TCF12: variants seen among roughly 807,000 people sequenced by gnomAD.
The protein encoded by TCF12 is DNA-binding protein HTF4.
In TCF12, 45 loss-of-function variants were observed where a neutral mutation model predicts 86.0. The ratio of observed to expected loss-of-function variants is 0.52; its 90% CI spans 0.41 to 0.67. The LOEUF is 0.67. Among genes scored for constraint, TCF12 ranks in the 30% least tolerant of loss-of-function variants. The probability of loss-of-function intolerance (pLI) is 0.00; values close to 1 mark genes in which losing one functional copy is unlikely to be tolerated. For synonymous variants in TCF12, 330 were observed against 299.6 expected (o/e 1.10, Z -1.05); for missense variants, 881 against 859.9 (o/e 1.02, Z -0.31).
intron 3 of TCF12, among the ~76,000 whole-genome samples, chr15:56,942,287 TATAA>T (rs1256056345): frequency 6.6e-6 from 1 of 152,224 alleles, no homozygotes; most frequent in Non-Finnish European, 1.5e-5. Flanking sequence ...TTTCAAAAAA[TATAA>T]ATGCCACTTT....
At chr15:57,108,245 G>A (rs1287898131) in intron 5 of TCF12, among the ~76,000 whole-genome samples, 3 of 151,984 alleles carry the variant, frequency 2.0e-5, no homozygotes, top group Non-Finnish European at 2.9e-5. Flanking sequence ...CAGTACAGGA[G>A]AAAAATATTG....
chr15:57,049,927 A>G (rs559245338), intron 3 of TCF12, among the ~76,000 whole-genome samples: 1 of 152,280 alleles, frequency 6.6e-6, no homozygotes, highest in South Asian at 2.1e-4. Flanking sequence ...TTTCTGACTT[A>G]TTAATCAAAT....
intron 8 of TCF12, chr15:57,214,538 A>G (rs577545041): frequency 2.0e-5 from 3 of 152,340 alleles, no homozygotes; most frequent in Non-Finnish European, 4.4e-5. Flanking sequence ...TTTGTTAATC[A>G]TTAAGCATTT....
At position 57,184,228 on chromosome 15, in the gene TCF12, C is replaced by T. The variant is rs185449969; in HGVS notation, c.391-7930C>T. ...ATACGTTTTCTGTTGCAACACTGAA[C>T]GCTTAACACTGTTGCATGAAAACAG... On this transcript the variant is annotated intron_variant, in intron 6 of 20. Coordinates refer to ENST00000333725, the MANE Select transcript of TCF12 (RefSeq NM_207037.2). Among the ~76,000 whole-genome samples the T allele has an allele frequency of 2.5e-3, 383 of 152,014 alleles. 1 individual carries two copies. The highest frequency in any genetic ancestry group is 6.9e-3 in the Middle Eastern group (2 of 290).
intron 7 of TCF12, among the ~76,000 whole-genome samples, chr15:57,192,633 C>A (rs2057045358): frequency 6.6e-6 from 1 of 152,116 alleles, no homozygotes; most frequent in Non-Finnish European, 1.5e-5. Context: ...AGTGATCTGC[C>A]CACCTCAGCC....
At chr15:56,967,091 C>T (rs1297911640) in intron 3 of TCF12, among the ~76,000 whole-genome samples, 1 of 152,062 alleles carries the variant, frequency 6.6e-6, no homozygotes, top group Admixed American at 6.5e-5. Context: ...CACTGCACTC[C>T]AGCCTGGGCA....
At chr15:56,972,580 G>A (rs2062393426) in intron 3 of TCF12, among the ~76,000 whole-genome samples, 1 of 152,128 alleles carries the variant, frequency 6.6e-6, no homozygotes, top group South Asian at 2.1e-4. Context: ...ATATACATCT[G>A]TCTGCAAATG....
intron 3 of TCF12, among the ~76,000 whole-genome samples, chr15:57,006,492 A>T (rs1238740067): frequency 6.6e-6 from 1 of 151,982 alleles, no homozygotes; most frequent in African/African-American, 2.4e-5. Context: ...TTTAATAGAG[A>T]TGGGGTTTCA....
At chr15:57,221,581 A>C (rs1372213448) in intron 8 of TCF12, among the ~76,000 whole-genome samples, 1 of 151,986 alleles carries the variant, frequency 6.6e-6, no homozygotes, top group Non-Finnish European at 1.5e-5. Flanking sequence ...TTCCAGGCTT[A>C]TGGTAGATGG....
intron 12 of TCF12, among the ~76,000 whole-genome samples, chr15:57,238,250 G>T (rs1308797674): frequency 1.3e-5 from 2 of 151,994 alleles, no homozygotes; most frequent in Non-Finnish European, 2.9e-5. Context: ...TAGCATTGGG[G>T]CATTTCACCA....
chr15:57,098,009 CAAAAAAAAAA>C (rs72046243), intron 5 of TCF12, among the ~76,000 whole-genome samples: 2 of 48,410 alleles, frequency 4.1e-5, no homozygotes, highest in Non-Finnish European at 7.1e-5. Context: ...TACAAAAATA[CAAAAAAAAAA>C]AAAAAAAAAA....
intron 16 of TCF12, among the ~76,000 whole-genome samples, chr15:57,253,780 A>C (rs945170858): frequency 2.0e-5 from 3 of 152,234 alleles, no homozygotes; most frequent in African/African-American, 7.2e-5. Context: ...CTGAATAGCA[A>C]GAGTTCTGAT....
intron 3 of TCF12, among the ~76,000 whole-genome samples, chr15:57,039,557 A>C (rs1486608720): frequency 6.6e-6 from 1 of 151,294 alleles, no homozygotes; most frequent in Admixed American, 6.8e-5. Flanking sequence ...ACCCTTCCTT[A>C]CCCATGACCA....
chr15:57,165,024 C>CGT (rs1221423610), intron 5 of TCF12, among the ~76,000 whole-genome samples: 1 of 152,074 alleles, frequency 6.6e-6, no homozygotes, highest in East Asian at 1.9e-4. Context: ...TATAAATGGG[C>CGT]GTGGTGACTT....
chr15:57,102,501 G>C (rs2049830831), intron 5 of TCF12, among the ~76,000 whole-genome samples: 1 of 151,796 alleles, frequency 6.6e-6, no homozygotes, highest in Non-Finnish European at 1.5e-5. Flanking sequence ...GGGAGGCTGA[G>C]ACAGAAGAAT....
intron 3 of TCF12, among the ~76,000 whole-genome samples, chr15:56,990,688 G>T (rs1246705087): frequency 1.3e-5 from 2 of 152,080 alleles, no homozygotes; most frequent in South Asian, 2.1e-4. Flanking sequence ...AGCCCAATGT[G>T]TTCTTGGGTT....
intron 6 of TCF12, among the ~76,000 whole-genome samples, chr15:57,182,990 A>G (rs2056448387): frequency 6.6e-6 from 1 of 152,150 alleles, no homozygotes; most frequent in Non-Finnish European, 1.5e-5. Context: ...TTCTGAGCAG[A>G]CCTAGATTCA....
chr15:57,160,292 ACG>A (rs2054406554), intron 5 of TCF12, among the ~76,000 whole-genome samples: 1 of 152,220 alleles, frequency 6.6e-6, no homozygotes, highest in Non-Finnish European at 1.5e-5. Context: ...ATCCTTCTTC[ACG>A]TGGTGGCAGC....
At chr15:57,235,609 G>A (rs2248255) in intron 12 of TCF12, among the ~76,000 whole-genome samples, 148,799 of 152,302 alleles carry the variant, frequency 0.98, 72,794 homozygotes, top group East Asian at 1. Flanking sequence ...TAGGAAGACA[G>A]TTTTATTCTA....
Sources: allele counts gnomAD v4.1 joint callset (sites outside exome capture counted in the v4.1 genomes callset), GRCh38; gene constraint gnomAD v4.1.1; transcripts MANE v1.5; gene names NCBI Gene and HGNC (gene_info 2026-07-23, HGNC 2026-07-21).